The following ARHGEF10L variants were observed in gnomAD, a reference collection of about 807,000 sequenced individuals.
ARHGEF10L encodes the protein rho guanine nucleotide exchange factor 10-like protein.
Under a neutral mutation model 141.2 loss-of-function variants are expected in ARHGEF10L, and 69 were observed. The ratio of observed to expected loss-of-function variants is 0.49; its 90% CI spans 0.40 to 0.60. The LOEUF is 0.60. Among genes scored for constraint, ARHGEF10L ranks in the 20% least tolerant of loss-of-function variants. ARHGEF10L has a pLI of 0.00. For synonymous variants in ARHGEF10L, 711 were observed against 718.5 expected, an observed-to-expected ratio of 0.99 and a Z score of 0.17; for missense variants, 1,482 against 1,734.3, an observed-to-expected ratio of 0.85 and a Z score of 2.58.
At chr1:17,521,273 C>T in the ARHGEF10L span, among the ~76,000 whole-genome samples, 2 of 152,116 alleles carry the variant, frequency 1.3e-5, no homozygotes, top group Admixed American at 1.3e-4. Flanking sequence ...CTGGGCTTAC[C>T]ACAACCTCCA....
At chr1:17,569,460 T>G (rs1306649067) in intron 1 of ARHGEF10L, among the ~76,000 whole-genome samples, 1 of 152,162 alleles carries the variant, frequency 6.6e-6, no homozygotes, top group Non-Finnish European at 1.5e-5. Context: ...CTGGCCTGCT[T>G]GCCCTGCCGT....
At position 17,602,184 on chromosome 1, in the gene ARHGEF10L, G is replaced by A; in HGVS notation, c.315G>A (p.Arg105=). The change falls in exon 5 of 29, where the codon CGG becomes CGA. Residue 105 remains arginine (R), a synonymous_variant. Coordinates refer to ENST00000361221, the MANE Select transcript of ARHGEF10L (RefSeq NM_018125.4). ...CGGACGCAGCCTTCTCCGGGGCCCGGCACTCCAGCTGGAAGCGGAAGAGTT... is the reference window on the plus strand; with the variant it reads ...CGGACGCAGCCTTCTCCGGGGCCCGACACTCCAGCTGGAAGCGGAAGAGTT... ...DAADAAFSGA[R]HSSWKRKSSR... is the part of the protein sequence containing the mutation. The A allele has an allele frequency of 1.3e-6, 2 of 1,581,576 alleles. No homozygotes were observed. The highest frequency in any genetic ancestry group is 1.7e-6 in the Non-Finnish European group (2 of 1,163,744).
chr1:17,568,778 G>A (rs554996302), intron 1 of ARHGEF10L, among the ~76,000 whole-genome samples: 10 of 152,122 alleles, frequency 6.6e-5, no homozygotes, highest in Admixed American at 3.3e-4. Context: ...GAAAGAGGAC[G>A]GGTGTTTGGG....
chr1:17,525,952 A>G, the ARHGEF10L span, among the ~76,000 whole-genome samples: 17 of 150,466 alleles, frequency 1.1e-4, no homozygotes, highest in African/African-American at 4.1e-4. Flanking sequence ...CAGTGAGCTG[A>G]GATCCCACCA....
intron 4 of ARHGEF10L, among the ~76,000 whole-genome samples, chr1:17,595,955 C>T (rs2080052799): frequency 6.6e-6 from 1 of 152,200 alleles, no homozygotes; most frequent in Non-Finnish European, 1.5e-5. Context: ...ATACTTCACC[C>T]TGGTCCACAT....
intron 21 of ARHGEF10L, 28 bp downstream of exon 21, chr1:17,640,330 CA>C: frequency 8.3e-6 from 13 of 1,574,490 alleles, no homozygotes; most frequent in Middle Eastern, 1.8e-4. Context: ...GAGAGTGCCT[CA>C]GGGGGCAGGG....
chr1:17,586,233 C>A (rs2079014762), intron 2 of ARHGEF10L, among the ~76,000 whole-genome samples: 1 of 152,196 alleles, frequency 6.6e-6, no homozygotes, highest in East Asian at 1.9e-4. Flanking sequence ...GGGGAAAGTG[C>A]TGTTTTTATT....
upstream of ARHGEF10L, among the ~76,000 whole-genome samples, chr1:17,537,020 C>T (rs1020316898): frequency 6.6e-6 from 1 of 150,650 alleles, no homozygotes; most frequent in Non-Finnish European, 1.5e-5. Flanking sequence ...TAGGCATGCA[C>T]TACCGCATCT....
chr1:17,687,784 C>T (rs2102505649), intron 27 of ARHGEF10L, 37 bp downstream of exon 27: 1 of 1,539,206 alleles, frequency 6.5e-7, no homozygotes, highest in Non-Finnish European at 8.8e-7. Flanking sequence ...CGGACAGTCA[C>T]AGAGCACCTT....
upstream of ARHGEF10L, among the ~76,000 whole-genome samples, chr1:17,539,453 G>A (rs1417824883): frequency 1.3e-5 from 2 of 150,926 alleles, no homozygotes; most frequent in Non-Finnish European, 3.0e-5. The surrounding 1 kb of genome is among the most constrained non-coding windows in gnomAD (Gnocchi z 6.0). Flanking sequence ...GTGAAGGAGC[G>A]AGGAGGTCGC....
At chr1:17,666,278 A>G (rs986956578) in intron 26 of ARHGEF10L, among the ~76,000 whole-genome samples, 5 of 152,208 alleles carry the variant, frequency 3.3e-5, no homozygotes, top group Non-Finnish European at 5.9e-5. Context: ...CTTGGAAGCC[A>G]TGGTACCTGG....
chr1:17,634,864 C>A lies in ARHGEF10L; in HGVS notation c.1775C>A (p.Pro592His), dbSNP rs2060908803. The A allele has an allele frequency of 6.2e-7, 1 of 1,613,914 alleles. No individual in the cohort carries two copies. Among genetic ancestry groups the A allele is most frequent in the Middle Eastern group, 1.7e-4 (1 of 6,056 alleles). The stretch of plus-strand genomic sequence containing the variant: ...CAGCTGGAGATCAGCAGCCTGGTGC[C>A]CCTGGGGCCCAAGTATGTGGTGAAG... Reference protein sequence around the residue: ...RGQLEISSLVPLGPKYVVKWN... With the variant: ...RGQLEISSLVHLGPKYVVKWN... Residue 592 changes from proline (P) to histidine (H), a missense_variant, in exon 18 of 29, where the codon CCC becomes CAC. Physicochemically the swap from Pro to His is moderately conservative, Grantham distance 77. Coordinates refer to ENST00000361221, the MANE Select transcript of ARHGEF10L (RefSeq NM_018125.4).
chr1:17,538,276 A>ACCTCTCCTGTCT (rs2076609528), upstream of ARHGEF10L, among the ~76,000 whole-genome samples: 1 of 150,998 alleles, frequency 6.6e-6, no homozygotes, highest in Non-Finnish European at 1.5e-5. Flanking sequence ...GCATCCCCAA[A>ACCTCTCCTGTCT]CCTCTCCTGT....
chr1:17,572,053 A>C (rs1225203664), intron 1 of ARHGEF10L, among the ~76,000 whole-genome samples: 2 of 151,974 alleles, frequency 1.3e-5, no homozygotes, highest in African/African-American at 4.8e-5. Context: ...TGGGCAGGGG[A>C]CCCCTGCAGG....
chr1:17,670,885 C>G (rs978545775), intron 26 of ARHGEF10L, among the ~76,000 whole-genome samples: 33 of 152,242 alleles, frequency 2.2e-4, no homozygotes, highest in Non-Finnish European at 4.6e-4. Context: ...GAGCACTGTT[C>G]CCCTCCTGTG....
intron 4 of ARHGEF10L, among the ~76,000 whole-genome samples, chr1:17,597,264 C>T (rs1305498861): frequency 6.6e-6 from 1 of 152,128 alleles, no homozygotes; most frequent in Non-Finnish European, 1.5e-5. Flanking sequence ...AGATAATTGC[C>T]TCTTACTGGT....
intron 26 of ARHGEF10L, among the ~76,000 whole-genome samples, chr1:17,676,200 G>A (rs1266746759): frequency 1.4e-5 from 2 of 147,512 alleles, no homozygotes; most frequent in African/African-American, 5.0e-5. Flanking sequence ...GTAGGTGCAG[G>A]CATAGGTGCA....
intron 4 of ARHGEF10L, among the ~76,000 whole-genome samples, chr1:17,588,803 C>T (rs2079252985): frequency 6.8e-6 from 1 of 146,236 alleles, no homozygotes; most frequent in African/African-American, 2.5e-5. Context: ...GAGAGCACCC[C>T]CTCTGTTGGG....
chr1:17,607,172 A>G lies in ARHGEF10L; in HGVS notation c.434-630A>G, dbSNP rs2081258140. On this transcript the variant is annotated intron_variant, in intron 6 of 28. Coordinates refer to ENST00000361221, the MANE Select transcript of ARHGEF10L (RefSeq NM_018125.4). The surrounding 1 kb of genome is among the most constrained non-coding windows in gnomAD (Gnocchi z 4.5). ...CGGGTCTTCTCTTTTCCAGTAAGAA[A>G]CAGGCCACGTGTGGTGGCTCGGCTG... 6.6e-6 allele frequency among the ~76,000 whole-genome samples: 1 copy of G among 152,156 alleles called. No homozygotes were observed. The highest frequency in any genetic ancestry group is 2.1e-4 in the South Asian group (1 of 4,830).
Sources: gnomAD v4.1 joint callset for allele counts (sites outside exome capture counted in the v4.1 genomes callset) on GRCh38, gnomAD v4.1.1 for gene constraint, Gnocchi (gnomAD v3.1) non-coding constraint, MANE v1.5 for transcripts, NCBI Gene and HGNC (gene_info 2026-07-23, HGNC 2026-07-21) for gene names.